ACACA: variants seen among roughly 807,000 people sequenced by gnomAD.
The protein encoded by ACACA is acetyl-CoA carboxylase 1.
ACACA carries 103 observed loss-of-function variants against 296.1 expected under a neutral mutation model. The ratio of observed to expected loss-of-function variants is 0.35; its 90% CI spans 0.30 to 0.41. The LOEUF (loss-of-function observed/expected upper bound fraction) is 0.41. Ranked by LOEUF, ACACA falls within the 10% of genes least tolerant of loss-of-function variation. The probability of loss-of-function intolerance (pLI) is 1.00; values close to 1 mark genes in which losing one functional copy is unlikely to be tolerated. For synonymous variants in ACACA, 953 were observed against 1,038.6 expected (o/e 0.92, Z 1.58); for missense variants, 1,554 against 2,989.7 (o/e 0.52, Z 11.20).
intron 10 of ACACA, among the ~76,000 whole-genome samples, chr17:37,264,284 T>C (rs1437563700): frequency 6.6e-6 from 1 of 152,222 alleles, no homozygotes; most frequent in Non-Finnish European, 1.5e-5. Flanking sequence ...CATTACATCA[T>C]ATATGGTATT....
In ACACA at chr17:37,289,586, T is replaced by G. The variant is rs1313590500; in HGVS notation, c.339-4616A>C. The G allele has an allele frequency of 4.2e-6, 4 of 961,712 alleles. No homozygotes were observed. In the African/African-American group the frequency reaches 6.7e-5, roughly 16 times the overall value. 59.6% of individuals were successfully genotyped at this position (961,712 alleles called of 1,614,324 possible). Reference sequence around the variant, plus strand: ...ACTAGGACTGATCTTCTTAGGAACTTCCATTTTTCCATTACCCCATATACA... The same window carrying G: ...ACTAGGACTGATCTTCTTAGGAACTGCCATTTTTCCATTACCCCATATACA... On this transcript the variant is annotated intron_variant, in intron 3 of 55. Transcript: ENST00000616317.
intron 1 of ACACA, chr17:37,365,765 TAG>T: frequency 1.0e-6 from 1 of 983,890 alleles, no homozygotes; most frequent in Non-Finnish European, 1.2e-6. Flanking sequence ...TGATGAAAGG[TAG>T]AATTGCACAA....
chr17:37,087,506 G>A (rs2072288050), intron 55 of ACACA, 67 bp from the exon 56 acceptor site: 1 of 1,589,514 alleles, frequency 6.3e-7, no homozygotes, highest in East Asian at 2.2e-5. Context: ...GACAGCTAAA[G>A]AACTGCCCAA....
Position 37,246,988 on chromosome 17 carries a change from G to C in ACACA, c.2310-12C>G. On this transcript the variant is annotated splice_polypyrimidine_tract_variant and intron_variant, in intron 18 of 55. Transcript: ENST00000616317. ...TTGTGATGCGATATCTAGGAGACAA[G>C]TGGAAGTATGTAAGCTAAGAAAGCA... 2 of 1,613,968 alleles carry C rather than the reference G, an allele frequency of 1.2e-6. No homozygotes were observed. The highest frequency in any genetic ancestry group is 2.2e-5 in the South Asian group (2 of 91,074).
chr17:37,318,443 G>T (rs1218265636), intron 3 of ACACA, among the ~76,000 whole-genome samples: 1 of 152,202 alleles, frequency 6.6e-6, no homozygotes, highest in Non-Finnish European at 1.5e-5. Flanking sequence ...GTTTCGCCAT[G>T]TTGGCCAGGC....
chr17:37,326,062 A>G (rs2047605322), intron 3 of ACACA, among the ~76,000 whole-genome samples: 1 of 151,902 alleles, frequency 6.6e-6, no homozygotes, highest in Admixed American at 6.6e-5. Flanking sequence ...CAAAAAAATT[A>G]GCCGGGCATG....
chr17:37,247,951 A>G (rs2080797373), intron 18 of ACACA, 60 bp downstream of exon 18: 1 of 1,604,306 alleles, frequency 6.2e-7, no homozygotes, highest in South Asian at 1.1e-5. Context: ...AAGAGCTAGT[A>G]GCTAATAAGA....
chr17:37,403,368 CTTTT>C (rs36037660), intron 1 of ACACA, among the ~76,000 whole-genome samples: 10 of 112,136 alleles, frequency 8.9e-5, no homozygotes, highest in Admixed American at 9.5e-5. Context: ...TTTGCCACAT[CTTTT>C]TTTTTTTTTT....
rs962497973 is a variant in ACACA at position 37,250,920 on chromosome 17, G to A, written c.2081+1085C>T. 3.0e-4 allele frequency among the ~76,000 whole-genome samples: 46 copies of A among 151,350 alleles called. 1 individual carries two copies. The highest frequency in any genetic ancestry group is 6.2e-4 in the Non-Finnish European group (42 of 67,812). Reference sequence around the variant, plus strand: ...CAGGTGCCTGTAGTCCCAGCTACTCGAGAGGCTGAGGCAGGAGAATGGCGT... The same window carrying A: ...CAGGTGCCTGTAGTCCCAGCTACTCAAGAGGCTGAGGCAGGAGAATGGCGT... On this transcript the variant is annotated intron_variant, in intron 16 of 55. Transcript: ENST00000616317.
intron 1 of ACACA, among the ~76,000 whole-genome samples, chr17:37,349,667 C>G (rs994111640): frequency 6.6e-6 from 1 of 150,742 alleles, no homozygotes; most frequent in African/African-American, 2.4e-5. Flanking sequence ...AACAATTCTT[C>G]TGCCTCAGCA....
chr17:37,362,584 T>A (rs1298856966), intron 1 of ACACA, among the ~76,000 whole-genome samples: 1 of 152,218 alleles, frequency 6.6e-6, no homozygotes, highest in African/African-American at 2.4e-5. Context: ...TATGCGCCAC[T>A]GTCCAGACAG....
At chr17:37,091,132 C>T (rs756648112) in intron 54 of ACACA, among the ~76,000 whole-genome samples, 9 of 152,308 alleles carry the variant, frequency 5.9e-5, no homozygotes, top group South Asian at 4.1e-4. Flanking sequence ...TATTAGCTAA[C>T]GAGATGCCTG....
intron 1 of ACACA, chr17:37,378,104 T>C: frequency 1.4e-6 from 1 of 707,592 alleles, no homozygotes. Context: ...CAGGGGGCTT[T>C]CTGGAAACCA....
chr17:37,269,600 T>C (rs1415557184), intron 10 of ACACA, among the ~76,000 whole-genome samples: 1 of 152,178 alleles, frequency 6.6e-6, no homozygotes, highest in Non-Finnish European at 1.5e-5. Flanking sequence ...ACTGAATGCA[T>C]TATCACTTGC....
At chr17:37,334,518 T>A (rs2048022571) in intron 2 of ACACA, among the ~76,000 whole-genome samples, 1 of 152,022 alleles carries the variant, frequency 6.6e-6, no homozygotes, top group African/African-American at 2.4e-5. Context: ...GAGTCTTGGA[T>A]ACATCACACT....
intron 9 of ACACA, 120 bp from the exon 10 acceptor site, chr17:37,270,981 G>T: frequency 2.7e-6 from 2 of 749,936 alleles, no homozygotes; most frequent in Non-Finnish European, 4.7e-6. Context: ...CAATAAAATA[G>T]AAAGATCTTC....
intron 3 of ACACA, among the ~76,000 whole-genome samples, chr17:37,305,736 G>A (rs561190137): frequency 2.0e-4 from 31 of 152,214 alleles, no homozygotes; most frequent in Admixed American, 2.0e-3. Context: ...CACCCAAACT[G>A]AGTAAACTCC....
intron 1 of ACACA, among the ~76,000 whole-genome samples, chr17:37,374,714 C>T (rs2049933282): frequency 6.6e-6 from 1 of 152,122 alleles, no homozygotes; most frequent in South Asian, 2.1e-4. Context: ...AAAACCTTCC[C>T]AAGCCACAGA....
chr17:37,150,039 G>A (rs948607185), intron 44 of ACACA, 65 bp from the exon 45 acceptor site: 2 of 1,404,908 alleles, frequency 1.4e-6, no homozygotes, highest in African/African-American at 2.8e-5. Context: ...AAGAACTAAG[G>A]CATAGATAAG....
Sources: gnomAD v4.1 joint callset for allele counts (sites outside exome capture counted in the v4.1 genomes callset) on GRCh38, gnomAD v4.1.1 for gene constraint, MANE v1.5 for transcripts, NCBI Gene and HGNC (gene_info 2026-07-23, HGNC 2026-07-21) for gene names.